Variants in BRCA2 observed in about 807,000 individuals in gnomAD.
BRCA2 encodes breast cancer type 2 susceptibility protein.
BRCA2 carries 203 observed loss-of-function variants against 276.7 expected under a neutral mutation model. The observed-to-expected ratio is 0.73, with a 90% CI of 0.65 to 0.82. The LOEUF (loss-of-function observed/expected upper bound fraction) is 0.82. Among genes scored for constraint, BRCA2 ranks in the 40% least tolerant of loss-of-function variants. The pLI is 0.00. For synonymous variants in BRCA2, 1,289 were observed against 1,338.4 expected (o/e 0.96, Z 0.81); for missense variants, 3,920 against 3,915.0 (o/e 1.00, Z -0.03).
chr13:32,370,843 T>G (rs755494521), intron 19 of BRCA2, 113 bp from the exon 20 acceptor site: 45 of 1,367,858 alleles, frequency 3.3e-5, no homozygotes, highest in Non-Finnish European at 4.3e-5. Context: ...TCCACTAATC[T>G]CAGCCTCCCA....
chr13:32,319,979 A>G (rs1437317634), intron 3 of BRCA2, among the ~76,000 whole-genome samples: 1 of 152,224 alleles, frequency 6.6e-6, no homozygotes, highest in Non-Finnish European at 1.5e-5. Flanking sequence ...AAGTTAGGCA[A>G]TTATTCCTTT....
chr13:32,319,843 C>A (rs1403139274), intron 3 of BRCA2, among the ~76,000 whole-genome samples: 1 of 152,088 alleles, frequency 6.6e-6, no homozygotes, highest in Non-Finnish European at 1.5e-5. Context: ...GAGTGTTAAT[C>A]TCTAGTAAGG....
chr13:32,397,397 C>T (rs1306998822), intron 26 of BRCA2, among the ~76,000 whole-genome samples: 1 of 152,158 alleles, frequency 6.6e-6, no homozygotes, highest in Non-Finnish European at 1.5e-5. Flanking sequence ...AAGCTAAAGT[C>T]TTTAACATTG....
At chr13:32,368,820 T>TG (rs2072807212) in intron 18 of BRCA2, among the ~76,000 whole-genome samples, 2 of 95,758 alleles carry the variant, frequency 2.1e-5, no homozygotes, top group African/African-American at 3.3e-5. Flanking sequence ...GTTTTTTTTG[T>TG]TTTTTTTTTA....
At chr13:32,350,234 C>T (rs994158358) in intron 13 of BRCA2, among the ~76,000 whole-genome samples, 1 of 151,682 alleles carries the variant, frequency 6.6e-6, no homozygotes, top group African/African-American at 2.4e-5. Flanking sequence ...AATAAAATAA[C>T]CAAAAAACAC....
rs80359256 is a variant in BRCA2, at chr13:32,398,465, A to C, written c.9952A>C (p.Asn3318His). Residue 3318 changes from asparagine to histidine, a missense_variant, in exon 27 of 27, where the codon AAT becomes CAT. Physicochemically the swap from Asn to His is moderately conservative, Grantham distance 68. Around this residue, in one of 2 missense-constraint regions of BRCA2, gnomAD observed 657 missense variants for 758.2 expected, o/e 0.87. Coordinates refer to ENST00000380152, the MANE Select transcript of BRCA2 (RefSeq NM_000059.4). ...YETPIKKKEL[N>H]SPQMTPFKKF... is the part of the protein sequence containing the mutation. ...AACACCCATAAAGAAAAAAGAACTG[A>C]ATTCTCCTCAGATGACTCCATTTAA... 3 of 1,614,192 alleles carry C rather than the reference A, an allele frequency of 1.9e-6. No homozygotes were observed.
At chr13:32,391,617 T>C (rs2072997732) in intron 24 of BRCA2, among the ~76,000 whole-genome samples, 1 of 152,226 alleles carries the variant, frequency 6.6e-6, no homozygotes, top group South Asian at 2.1e-4. Context: ...GTTTTATAAA[T>C]TGCTAAGTCC....
In BRCA2 at chr13:32,374,873, A is replaced by G. The variant is rs1194748950; in HGVS notation, c.8633-1797A>G. Among the ~76,000 whole-genome samples the G allele has an allele frequency of 2.0e-5, 3 of 152,228 alleles. No individual in the cohort carries two copies. In the East Asian group the frequency reaches 5.8e-4, roughly 29 times the overall value. On this transcript the variant is annotated intron_variant, in intron 20 of 26. Coordinates refer to ENST00000380152, the MANE Select transcript of BRCA2 (RefSeq NM_000059.4). ...TAGCAGTCCCCCACTCCTGGTAACA[A>G]TTATCTGTATTAGTTCATCCTCATA...
At chr13:32,320,219 T>G (rs1482343602) in intron 3 of BRCA2, among the ~76,000 whole-genome samples, 4 of 152,212 alleles carry the variant, frequency 2.6e-5, no homozygotes, top group Non-Finnish European at 5.9e-5. Flanking sequence ...ATTGAATTTG[T>G]TTGGTTGGTT....
rs398122552 is a variant in BRCA2, at chr13:32,340,670, A to G, written c.6315A>G (p.Ile2105Met). 6.2e-7 allele frequency: 1 copy of G among 1,607,966 alleles called. No individual in the cohort carries two copies. Among genetic ancestry groups the G allele is most frequent in the South Asian group, 1.1e-5 (1 of 89,558 alleles). The change falls in exon 11 of 27, where the codon ATA becomes ATG. Residue 2105 changes from isoleucine to methionine, a missense_variant. Ile to Met is a conservative substitution (Grantham distance 10). This residue lies in a region of BRCA2 where 3,263 missense variants were observed against 3,156.9 expected (regional missense o/e 1.03). Transcript: ENST00000380152. ...SPTSRQNVSK[I>M]LPRVDKRNPE... ...CGTCTAGACAAAATGTATCAAAAAT[A>G]CTTCCTCGTGTTGATAAGAGAAACC...
chr13:32,390,624 A>G (rs986208430), intron 24 of BRCA2, among the ~76,000 whole-genome samples: 1 of 152,052 alleles, frequency 6.6e-6, no homozygotes, highest in African/African-American at 2.4e-5. Context: ...TTACCTCCCT[A>G]GTCAGATGCT....
At chr13:32,356,233 A>G (rs531800238) in intron 14 of BRCA2, among the ~76,000 whole-genome samples, 195 bp from the exon 15 acceptor site, 2 of 150,240 alleles carry the variant, frequency 1.3e-5, no homozygotes, top group East Asian at 4.0e-4. Context: ...TTACTTTTAT[A>G]TATTTTTTTT....
Position 32,316,356 on chromosome 13 carries a change from T to A in BRCA2, c.-39-66T>A, listed in dbSNP as rs2072258812. On this transcript the variant is annotated intron_variant, in intron 1 of 26. Transcript: ENST00000380152. ...AACAAATTTTCCAGCGCTTCTGAGT[T>A]TTACCTCAGTCACATAATAAGGAAT... 1.5e-5 allele frequency: 16 copies of A among 1,033,618 alleles called. No individual in the cohort carries two copies. In the South Asian group the frequency reaches 2.1e-4, roughly 14 times the overall value. 64.0% of individuals were successfully genotyped at this position (1,033,618 alleles called of 1,614,324 possible).
In BRCA2 at chr13:32,356,292, A is replaced by G. The variant is rs1317801323; in HGVS notation, c.7436-136A>G. ...TCCATTTTGGTCAGGCTGGTCTTGA[A>G]CTCCCGACCTCAGATGATCTGCCCG... On this transcript the variant is annotated intron_variant, in intron 14 of 26. Transcript: ENST00000380152. 3.8e-6 allele frequency: 3 copies of G among 793,264 alleles called. No individual in the cohort carries two copies. The East Asian group carries it at 8.1e-5, about 21-fold the overall frequency. 49.1% of individuals were successfully genotyped at this position (793,264 alleles called of 1,614,324 possible).
chr13:32,381,033 C>A (rs535016479), intron 24 of BRCA2, among the ~76,000 whole-genome samples: 1 of 151,986 alleles, frequency 6.6e-6, no homozygotes, highest in East Asian at 1.9e-4. Flanking sequence ...TTTAGTGCTT[C>A]GTAGGTTTTT....
rs2072514952 is a variant in BRCA2, at chr13:32,339,238, A to G, written c.4883A>G (p.Lys1628Arg). The G allele has an allele frequency of 6.2e-7, 1 of 1,613,310 alleles. No individual in the cohort carries two copies. The highest frequency in any genetic ancestry group is 2.2e-5 in the East Asian group (1 of 44,878). The change falls in exon 11 of 27, where the codon AAA becomes AGA. Residue 1628 changes from lysine (K) to arginine (R), a missense_variant. By Grantham distance (26) the Lys-to-Arg change is conservative (BLOSUM62 2). This residue lies in a region of BRCA2 where 3,263 missense variants were observed against 3,156.9 expected (regional missense o/e 1.03). Transcript: ENST00000380152. The stretch of plus-strand genomic sequence containing the variant: ...TTATGTAGACAAACTGAAAATCTCA[A>G]AACATCAAAAAGTATCTTTTTGAAA... ...DNLCRQTENL[K>R]TSKSIFLKVK...
chr13:32,385,553 G>T lies in BRCA2; in HGVS notation c.9256+5408G>T, dbSNP rs562673906. 8 of 257,290 alleles carry T rather than the reference G, an allele frequency of 3.1e-5. No individual in the cohort carries two copies. In the East Asian group the frequency reaches 7.1e-4, roughly 23 times the overall value. 15.9% of individuals were successfully genotyped at this position (257,290 alleles called of 1,614,324 possible). A position where few individuals can be genotyped will look rare whatever the true frequency, so the allele number is the denominator to read the frequency against. On this transcript the variant is annotated intron_variant, in intron 24 of 26. Coordinates refer to ENST00000380152, the MANE Select transcript of BRCA2 (RefSeq NM_000059.4). ...TTCCTGCATCACCATATAGGGCTTT[G>T]TGACAGGACACAAAAGATCCAAATG...
intron 24 of BRCA2, among the ~76,000 whole-genome samples, chr13:32,392,275 A>G (rs1354021639): frequency 2.7e-4 from 41 of 152,326 alleles, no homozygotes; most frequent in Non-Finnish European, 2.9e-5. Context: ...AATAAAGTAT[A>G]AAGAGTAGAA....
In BRCA2 at chr13:32,341,157, A is replaced by G; in HGVS notation, c.6802A>G (p.Arg2268Gly). ...ENEEMVLSNS[R>G]IGKRRGEPLI... is the part of the protein sequence containing the mutation. ...TGAGGAAATGGTTTTGTCAAATTCA[A>G]GAATTGGAAAAAGAAGAGGAGAGCC... is the stretch of plus-strand genomic sequence containing the variant. Residue 2268 changes from arginine (R) to glycine (G), a missense_variant, in exon 11 of 27, where the codon AGA (arginine) becomes GGA (glycine). By Grantham distance (125) the Arg-to-Gly change is moderately radical (BLOSUM62 -2). Transcript: ENST00000380152. 6.2e-7 allele frequency: 1 copy of G among 1,614,002 alleles called. No homozygotes were observed. Among genetic ancestry groups the G allele is most frequent in the South Asian group, 1.1e-5 (1 of 91,082 alleles).
Sources: gnomAD v4.1 joint callset for allele counts (sites outside exome capture counted in the v4.1 genomes callset) on GRCh38, gnomAD v4.1.1 for gene constraint, gnomAD v4.1.1 regional missense constraint, MANE v1.5 for transcripts, NCBI Gene and HGNC (gene_info 2026-07-23, HGNC 2026-07-21) for gene names.